PTPRN2: variants seen among roughly 807,000 people sequenced by gnomAD.
The protein encoded by PTPRN2 is receptor-type tyrosine-protein phosphatase N2.
A neutral mutation model predicts 118.8 loss-of-function variants in PTPRN2; 74 were observed. The observed-to-expected ratio is 0.62, with a 90% CI of 0.52 to 0.76. The LOEUF is 0.76. Ranked by LOEUF, PTPRN2 falls within the 30% of genes least tolerant of loss-of-function variation. PTPRN2 has a pLI of 0.00. For synonymous variants in PTPRN2, 641 were observed against 608.0 expected (o/e 1.05, Z -0.80); for missense variants, 1,481 against 1,394.4 (o/e 1.06, Z -0.99).
At chr7:158,318,722 G>A (rs936418449) in intron 2 of PTPRN2, among the ~76,000 whole-genome samples, 3 of 152,222 alleles carry the variant, frequency 2.0e-5, no homozygotes, top group Non-Finnish European at 4.4e-5. Flanking sequence ...GCAGCTCCCC[G>A]GCCTCTTGCG....
chr7:157,715,418 A>C (rs1420208338), intron 12 of PTPRN2, among the ~76,000 whole-genome samples: 2 of 152,180 alleles, frequency 1.3e-5, no homozygotes, highest in African/African-American at 4.8e-5. Context: ...ATAGGGGATG[A>C]AGGGCATGAG....
chr7:158,581,693 C>T (rs2129452412), intron 1 of PTPRN2, among the ~76,000 whole-genome samples: 1 of 152,242 alleles, frequency 6.6e-6, no homozygotes, highest in African/African-American at 2.4e-5. Context: ...CCAGTTAGGA[C>T]TATTAGAGGG....
chr7:158,430,476 G>A (rs1010674569), intron 2 of PTPRN2, among the ~76,000 whole-genome samples: 6 of 152,222 alleles, frequency 3.9e-5, no homozygotes, highest in Admixed American at 2.0e-4. Context: ...TCCCAGAAGC[G>A]CTCTGTGGTT....
At chr7:158,109,536 A>T (rs1256569112) in intron 10 of PTPRN2, among the ~76,000 whole-genome samples, 1 of 151,022 alleles carries the variant, frequency 6.6e-6, no homozygotes, top group Non-Finnish European at 1.5e-5. Flanking sequence ...TGAAGGAGCC[A>T]GTGAGTGAAT....
chr7:157,962,724 C>T (rs1188529501), intron 11 of PTPRN2, among the ~76,000 whole-genome samples: 1 of 152,178 alleles, frequency 6.6e-6, no homozygotes, highest in Non-Finnish European at 1.5e-5. Context: ...TTCGTGACAC[C>T]TGTTCCTATT....
chr7:158,499,827 A>C (rs1456526237), intron 1 of PTPRN2, among the ~76,000 whole-genome samples: 1 of 140,320 alleles, frequency 7.1e-6, no homozygotes, highest in Non-Finnish European at 1.6e-5. Context: ...ATATACACAC[A>C]CCCTCCAGTG....
At chr7:158,137,658 C>G (rs1020104370) in intron 7 of PTPRN2, among the ~76,000 whole-genome samples, 3 of 152,154 alleles carry the variant, frequency 2.0e-5, no homozygotes, top group African/African-American at 7.2e-5. Flanking sequence ...CCAAGTCAGG[C>G]TTCCAGCTTC....
At chr7:158,206,299 C>T (rs1827137785) in intron 3 of PTPRN2, among the ~76,000 whole-genome samples, 1 of 152,192 alleles carries the variant, frequency 6.6e-6, no homozygotes, top group Non-Finnish European at 1.5e-5. Flanking sequence ...GCCCTAGCTC[C>T]CAGGTGACAT....
At position 158,529,733 on chromosome 7, in the gene PTPRN2, G is replaced by T. The variant is rs1021136328; in HGVS notation, c.113-39948C>A. On this transcript the variant is annotated intron_variant, in intron 1 of 22. Transcript: ENST00000389418. This position sits in a 1 kb window ranked among gnomAD's most constrained non-coding sequence, Gnocchi z 4.7. The stretch of plus-strand genomic sequence containing the variant: ...GCCCCAGGGGCTGTGGGGAGGGGCG[G>T]TCACCAGAAGGGGCCAGGCGGGAGC... Among the ~76,000 whole-genome samples the T allele has an allele frequency of 6.6e-6, 1 of 152,082 alleles. No homozygotes were observed. The highest frequency in any genetic ancestry group is 6.6e-5 in the Admixed American group (1 of 15,266).
intron 12 of PTPRN2, among the ~76,000 whole-genome samples, chr7:157,793,810 C>G (rs1436050695): frequency 2.6e-5 from 4 of 152,178 alleles, no homozygotes; most frequent in African/African-American, 9.6e-5. Context: ...CTTCTCCTCC[C>G]ATGGCTTAGA....
chr7:157,967,198 T>G (rs2128813772), intron 11 of PTPRN2, among the ~76,000 whole-genome samples: 1 of 152,324 alleles, frequency 6.6e-6, no homozygotes, highest in Non-Finnish European at 1.5e-5. Flanking sequence ...TGGCTCACAC[T>G]TACAGTCCCA....
chr7:158,291,900 T>C (rs770274095), intron 3 of PTPRN2, among the ~76,000 whole-genome samples: 12 of 152,188 alleles, frequency 7.9e-5, no homozygotes, highest in Non-Finnish European at 1.3e-4. Flanking sequence ...GTAAAAGCCA[T>C]TTCCAAAACA....
rs1052796944 is a variant in PTPRN2 at position 157,944,042 on chromosome 7, A to G, written c.1724-45305T>C. On this transcript the variant is annotated intron_variant, in intron 11 of 22. Coordinates refer to ENST00000389418, the MANE Select transcript of PTPRN2 (RefSeq NM_002847.5). This position sits in a 1 kb window ranked among gnomAD's most constrained non-coding sequence, Gnocchi z 4.3. ...GTAAGGGTTTTAAACCAATGTTTCT[A>G]AGGGAGCACTGGGCTTCATTTGACA... Among the ~76,000 whole-genome samples the G allele has an allele frequency of 2.6e-5, 4 of 152,202 alleles. No individual in the cohort carries two copies. The highest frequency in any genetic ancestry group is 5.9e-5 in the Non-Finnish European group (4 of 68,040).
In PTPRN2 at chr7:158,544,164, G is replaced by T. The variant is rs79721939; in HGVS notation, c.112+43394C>A. ...CCAGAACCCAGTCCACACTCTGCCCGCATGATCTGCCTCTCCCCAAAACAG... is the reference window on the plus strand; with the variant it reads ...CCAGAACCCAGTCCACACTCTGCCCTCATGATCTGCCTCTCCCCAAAACAG... On this transcript the variant is annotated intron_variant, in intron 1 of 22. Transcript: ENST00000389418. The surrounding 1 kb of genome is among the most constrained non-coding windows in gnomAD (Gnocchi z 4.2). Among the ~76,000 whole-genome samples the T allele has an allele frequency of 6.6e-6, 1 of 152,100 alleles. No homozygotes were observed. The highest frequency in any genetic ancestry group is 1.5e-5 in the Non-Finnish European group (1 of 68,028).
At chr7:158,311,594 G>T (rs1017999542) in intron 3 of PTPRN2, among the ~76,000 whole-genome samples, 4 of 152,224 alleles carry the variant, frequency 2.6e-5, no homozygotes, top group Non-Finnish European at 5.9e-5. Flanking sequence ...GAGGAAGAAG[G>T]TTGTGAAATT....
rs981246423 is a variant in PTPRN2, at chr7:158,081,302, G to A, written c.1719C>T (p.Ala573=). Residue 573 remains alanine, a synonymous_variant, in exon 11 of 23, where the codon GCC becomes GCT. Coordinates refer to ENST00000389418, the MANE Select transcript of PTPRN2 (RefSeq NM_002847.5). The part of the protein sequence containing the change: ...QNVTTEDVEK[A]TVDNKDKLEE... ...TGTGTGTGGAAACAGCCTCACCTGT[G>A]GCCTTCTCCACATCCTCAGTGGTCA... The A allele has an allele frequency of 1.9e-6, 3 of 1,613,840 alleles. No individual in the cohort carries two copies. Among genetic ancestry groups the A allele is most frequent in the Non-Finnish European group, 2.5e-6 (3 of 1,179,772 alleles).
chr7:158,389,766 CTAAACGCAA>C (rs1811782828), intron 2 of PTPRN2, among the ~76,000 whole-genome samples: 1 of 152,222 alleles, frequency 6.6e-6, no homozygotes, highest in Non-Finnish European at 1.5e-5. Context: ...AGAAAATGGG[CTAAACGCAA>C]GTTCTGTCCT....
intron 2 of PTPRN2, among the ~76,000 whole-genome samples, chr7:158,332,633 A>AC (rs1377402724): frequency 2.7e-5 from 4 of 150,346 alleles, no homozygotes; most frequent in Non-Finnish European, 5.9e-5. Context: ...ACTCACACCC[A>AC]CACTGTCACC....
At chr7:157,937,592 G>A (rs1799797370) in intron 11 of PTPRN2, among the ~76,000 whole-genome samples, 1 of 152,222 alleles carries the variant, frequency 6.6e-6, no homozygotes, top group Non-Finnish European at 1.5e-5. Flanking sequence ...TTCCCACCCA[G>A]GAGAAGCCGC....
Sources: gnomAD v4.1 joint callset for allele counts (sites outside exome capture counted in the v4.1 genomes callset) on GRCh38, gnomAD v4.1.1 for gene constraint, Gnocchi (gnomAD v3.1) non-coding constraint, MANE v1.5 for transcripts, NCBI Gene and HGNC (gene_info 2026-07-23, HGNC 2026-07-21) for gene names.